The following STS variants were observed in gnomAD, a reference collection of about 807,000 sequenced individuals.
STS encodes steryl-sulfatase.
Under a neutral mutation model 26.8 loss-of-function variants are expected in STS, and 7 were observed. The ratio of observed to expected loss-of-function variants is 0.26; its 90% confidence interval spans 0.15 to 0.49. STS has a LOEUF of 0.49. Among genes scored for constraint, STS ranks in the 20% least tolerant of loss-of-function variants. The probability of loss-of-function intolerance (pLI) is 0.98; values close to 1 mark genes in which losing one functional copy is unlikely to be tolerated. For missense variants in STS, 434 were observed against 465.6 expected (o/e 0.93, Z 0.63); for synonymous variants, 199 against 189.4 (o/e 1.05, Z -0.42).
chrX:7,206,972 G>C (rs1163006130), intron 2 of STS, among the ~76,000 whole-genome samples: 1 of 112,145 alleles, frequency 8.9e-6, no homozygotes, highest in Non-Finnish European at 1.9e-5. Flanking sequence ...CACTTTGGGA[G>C]GCCAAGGAGG....
intron 1 of STS, among the ~76,000 whole-genome samples, chrX:7,154,448 C>T (rs1429638673): frequency 3.6e-5 from 4 of 112,409 alleles, no homozygotes; most frequent in African/African-American, 1.3e-4. Flanking sequence ...GTAATAGCCA[C>T]CAGCCCTCAA....
chrX:7,247,242 G>A, intron 2 of STS, among the ~76,000 whole-genome samples: 1 of 112,204 alleles, frequency 8.9e-6, no homozygotes, highest in Non-Finnish European at 1.9e-5. Context: ...ATAAGAGTAA[G>A]ATAGTCAATC....
chrX:7,154,916 A>T (rs1490908535), intron 1 of STS, among the ~76,000 whole-genome samples: 1 of 112,558 alleles, frequency 8.9e-6, no homozygotes, highest in African/African-American at 3.2e-5. Flanking sequence ...CATGTCAGCG[A>T]TAACGTGGTC....
chrX:7,196,166 T>C (rs1200823398), intron 2 of STS, among the ~76,000 whole-genome samples: 4 of 111,830 alleles, frequency 3.6e-5, no homozygotes, highest in African/African-American at 1.3e-4. Flanking sequence ...ATTGAGTAAA[T>C]CTCAAAGAAG....
At chrX:7,318,756 T>G (rs1420696092) in intron 8 of STS, among the ~76,000 whole-genome samples, 2 of 110,961 alleles carry the variant, frequency 1.8e-5, no homozygotes, top group Non-Finnish European at 3.8e-5. Flanking sequence ...AGGTGGTCAG[T>G]AGGTGGCTAG....
chrX:7,205,618 C>G (rs867469806), intron 2 of STS, among the ~76,000 whole-genome samples: 3 of 103,529 alleles, frequency 2.9e-5, no homozygotes, highest in African/African-American at 1.1e-4. Context: ...TCTTTTCTTT[C>G]GTTTTCTTTT....
At chrX:7,191,890 G>A (rs1438116064) in intron 2 of STS, among the ~76,000 whole-genome samples, 2 of 112,545 alleles carry the variant, frequency 1.8e-5, no homozygotes, top group Non-Finnish European at 3.8e-5. Context: ...AGCTCTTTTC[G>A]CTGATGGGAG....
In STS at chrX:7,353,018, G is replaced by C. The variant is rs936700423; in HGVS notation, c.*2757G>C. The C allele has an allele frequency of 1.7e-4, 19 of 111,826 alleles. No individual in the cohort carries two copies. The highest frequency in any genetic ancestry group is 5.8e-4 in the African/African-American group (18 of 30,770). 9.2% of individuals were successfully genotyped at this position (111,826 alleles called of 1,213,427 possible). On this transcript the variant is annotated 3_prime_UTR_variant, in exon 11 of 11. Transcript: ENST00000674429. ...TTGCATTAAGTGAAAGGATTATTTAGAATATGTTAATGCAAAGCTAAAATA... is the reference window on the plus strand; with the variant it reads ...TTGCATTAAGTGAAAGGATTATTTACAATATGTTAATGCAAAGCTAAAATA...
intron 1 of STS, among the ~76,000 whole-genome samples, chrX:7,181,643 G>A (rs1933682862): frequency 8.9e-6 from 1 of 112,235 alleles, no homozygotes; most frequent in Non-Finnish European, 1.9e-5. Context: ...ATCACCTAGA[G>A]GCAGTGGGTT....
At chrX:7,243,901 T>C (rs1242829622) in intron 2 of STS, among the ~76,000 whole-genome samples, 3 of 111,128 alleles carry the variant, frequency 2.7e-5, no homozygotes, top group Non-Finnish European at 1.9e-5. Flanking sequence ...CCATTTCTAC[T>C]AACAACAACA....
intron 10 of STS, among the ~76,000 whole-genome samples, chrX:7,348,628 A>G (rs772368405): frequency 7.1e-5 from 8 of 112,148 alleles, no homozygotes; most frequent in African/African-American, 1.6e-4. Flanking sequence ...AAATGAATCA[A>G]TTATTTCATA....
rs1352803241 is a variant in STS, at chrX:7,189,019, G to A, written c.-133-1861G>A. ...CAGTTTCAAATGCCATCTCTGGGGG[G>A]AAAAAATAACATTTCTGAGATTCTG... On this transcript the variant is annotated intron_variant, in intron 1 of 10. Coordinates refer to ENST00000674429, the MANE Select transcript of STS (RefSeq NM_001320752.2). 5.4e-5 allele frequency among the ~76,000 whole-genome samples: 6 copies of A among 111,158 alleles called. No homozygotes were observed. The Admixed American group carries it at 5.8e-4, about 11-fold the overall frequency.
chrX:7,220,865 C>T, intron 2 of STS, among the ~76,000 whole-genome samples: 1 of 111,092 alleles, frequency 9.0e-6, no homozygotes, highest in Non-Finnish European at 1.9e-5. Flanking sequence ...GGTTTTTATA[C>T]CCTTAAGCAT....
intron 3 of STS, among the ~76,000 whole-genome samples, chrX:7,254,902 T>C (rs1461501671): frequency 1.8e-5 from 2 of 111,869 alleles, no homozygotes; most frequent in Non-Finnish European, 3.8e-5. Context: ...TTGTAGGATA[T>C]GTGAATACTA....
intron 2 of STS, among the ~76,000 whole-genome samples, chrX:7,249,989 G>A (rs190266477): frequency 6.3e-5 from 7 of 110,893 alleles, no homozygotes; most frequent in East Asian, 5.7e-4. Context: ...GTACAGTGGC[G>A]CCATCAGAGC....
At chrX:7,173,772 A>T (rs1297780595) in intron 1 of STS, among the ~76,000 whole-genome samples, 2 of 112,164 alleles carry the variant, frequency 1.8e-5, no homozygotes, top group African/African-American at 3.2e-5. Flanking sequence ...TCCCTTGCTT[A>T]CTTTTTAATG....
At chrX:7,297,880 A>G (rs1360974007) in intron 7 of STS, among the ~76,000 whole-genome samples, 1 of 111,478 alleles carries the variant, frequency 9.0e-6, no homozygotes, top group African/African-American at 3.3e-5. Flanking sequence ...TAGATACAGT[A>G]TGTGCTGGAG....
At chrX:7,304,546 CTACTG>C (rs1926125789) in intron 7 of STS, among the ~76,000 whole-genome samples, 1 of 111,321 alleles carries the variant, frequency 9.0e-6, no homozygotes, top group Admixed American at 9.6e-5. Flanking sequence ...ATTTGGGTAT[CTACTG>C]TAAGTATTAA....
chrX:7,182,954 G>A (rs1226388176), intron 1 of STS, among the ~76,000 whole-genome samples: 1 of 111,368 alleles, frequency 9.0e-6, no homozygotes, highest in African/African-American at 3.3e-5. Context: ...TCATGCTGGA[G>A]TAGGGTGGGC....
Sources: gnomAD v4.1 joint callset for allele counts (sites outside exome capture counted in the v4.1 genomes callset) on GRCh38, gnomAD v4.1.1 for gene constraint, MANE v1.5 for transcripts, NCBI Gene and HGNC (gene_info 2026-07-23, HGNC 2026-07-21) for gene names.